PPP1R16B: variants seen among roughly 807,000 people sequenced by gnomAD.
The protein encoded by PPP1R16B is protein phosphatase 1 regulatory inhibitor subunit 16B.
Under a neutral mutation model 61.7 loss-of-function variants are expected in PPP1R16B, and 14 were observed. That is an observed-to-expected ratio of 0.23 (90% CI 0.15 to 0.35). PPP1R16B has a LOEUF of 0.35. PPP1R16B is among the 10% of genes least tolerant of loss of function. The pLI is 1.00. For synonymous variants in PPP1R16B, 266 were observed against 305.3 expected, an observed-to-expected ratio of 0.87 and a Z score of 1.34; for missense variants, 547 against 752.5, an observed-to-expected ratio of 0.73 and a Z score of 3.19.
intron 1 of PPP1R16B, among the ~76,000 whole-genome samples, chr20:38,820,414 C>T (rs995344270): frequency 5.9e-5 from 9 of 151,990 alleles, no homozygotes; most frequent in Admixed American, 1.3e-4. Flanking sequence ...CAAAATTAGC[C>T]GGGTGTGGTG....
chr20:38,838,602 G>A (rs1248735647), intron 2 of PPP1R16B: 1 of 152,300 alleles, frequency 6.6e-6, no homozygotes, highest in African/African-American at 2.4e-5. Context: ...CAAGTGATGC[G>A]GCAGCCCCAT....
intron 2 of PPP1R16B, among the ~76,000 whole-genome samples, chr20:38,852,133 G>T (rs1302607114): frequency 6.6e-6 from 1 of 152,230 alleles, no homozygotes; most frequent in African/African-American, 2.4e-5. Context: ...TATCGTTCAA[G>T]GGAGAGGACA....
intron 1 of PPP1R16B, among the ~76,000 whole-genome samples, chr20:38,831,290 A>G (rs916054648): frequency 6.6e-6 from 1 of 152,148 alleles, no homozygotes; most frequent in Non-Finnish European, 1.5e-5. Context: ...CTGTGTTCCC[A>G]TCACCCTCTG....
In PPP1R16B at chr20:38,862,143, G is replaced by A. The variant is rs150216884; in HGVS notation, c.250+25968G>A. 4.1e-4 allele frequency among the ~76,000 whole-genome samples: 63 copies of A among 152,330 alleles called. No homozygotes were observed. The East Asian group carries it at 0.01, about 24-fold the overall frequency. On this transcript the variant is annotated intron_variant, in intron 2 of 10. Transcript: ENST00000299824. ...CTGGCTTCTTGCCCTCTCTCTAGGG[G>A]CAGGGCATGCTGGGCTGTCTTCCTG...
intron 3 of PPP1R16B, among the ~76,000 whole-genome samples, chr20:38,894,303 G>A (rs2085317370): frequency 6.6e-6 from 1 of 152,106 alleles, no homozygotes. Context: ...GCCACCTGGG[G>A]CCGTGGGCTT....
chr20:38,824,397 T>C (rs955600320), intron 1 of PPP1R16B, among the ~76,000 whole-genome samples: 3 of 151,638 alleles, frequency 2.0e-5, no homozygotes, highest in African/African-American at 7.2e-5. Context: ...ATACTGTGGA[T>C]TTTCTGAAAT....
At chr20:38,842,931 G>A (rs909259993) in intron 2 of PPP1R16B, among the ~76,000 whole-genome samples, 16 of 152,152 alleles carry the variant, frequency 1.1e-4, no homozygotes, top group African/African-American at 3.6e-4. Flanking sequence ...CCCCTGAACA[G>A]CAACAACCAT....
intron 1 of PPP1R16B, among the ~76,000 whole-genome samples, chr20:38,818,367 G>A (rs2084752633): frequency 6.6e-6 from 1 of 152,112 alleles, no homozygotes. Flanking sequence ...TGGAAAATTG[G>A]GTATTTAGTG....
At chr20:38,836,256 AC>A in intron 2 of PPP1R16B, 81 bp downstream of exon 2, 2 of 1,529,570 alleles carry the variant, frequency 1.3e-6, no homozygotes, top group South Asian at 1.3e-5. Context: ...TGTGCAGTAG[AC>A]GTGTGGGCAA....
At chr20:38,909,538 A>G (rs1367488048) in intron 10 of PPP1R16B, among the ~76,000 whole-genome samples, 1 of 152,200 alleles carries the variant, frequency 6.6e-6, no homozygotes, top group Non-Finnish European at 1.5e-5. Context: ...GCTGGAGTGG[A>G]ATTGCTGAGG....
chr20:38,915,654 T>A (rs1324531369), intron 10 of PPP1R16B, among the ~76,000 whole-genome samples: 1 of 152,134 alleles, frequency 6.6e-6, no homozygotes, highest in Non-Finnish European at 1.5e-5. Context: ...CTGTCTAATT[T>A]TTGTGTTTTT....
At chr20:38,870,041 AG>A (rs1386256532) in intron 2 of PPP1R16B, among the ~76,000 whole-genome samples, 2 of 152,038 alleles carry the variant, frequency 1.3e-5, no homozygotes, top group Non-Finnish European at 2.9e-5. Flanking sequence ...CTCCTTCCTC[AG>A]CCTCCTGAGT....
chr20:38,873,452 TG>T (rs2085143843), intron 2 of PPP1R16B, among the ~76,000 whole-genome samples: 1 of 152,100 alleles, frequency 6.6e-6, no homozygotes, highest in South Asian at 2.1e-4. Flanking sequence ...AGGTGTTAAG[TG>T]AAAGTAACAA....
intron 2 of PPP1R16B, among the ~76,000 whole-genome samples, chr20:38,875,345 C>T (rs1456230834): frequency 6.6e-6 from 1 of 152,222 alleles, no homozygotes; most frequent in Non-Finnish European, 1.5e-5. Context: ...CCATTTCCTG[C>T]AGCAGAAATG....
chr20:38,908,281 G>A (rs1295462509), intron 10 of PPP1R16B, 88 bp downstream of exon 10: 1 of 1,501,798 alleles, frequency 6.7e-7, no homozygotes, highest in Non-Finnish European at 9.1e-7. Context: ...TCAACTGAGA[G>A]CCTTCAGAGG....
intron 10 of PPP1R16B, among the ~76,000 whole-genome samples, chr20:38,914,362 C>T (rs540850682): frequency 6.6e-6 from 1 of 152,192 alleles, no homozygotes; most frequent in Non-Finnish European, 1.5e-5. Flanking sequence ...TGCAGTCAGC[C>T]ATTCCCCAGA....
At chr20:38,812,145 G>A (rs1405788350) in intron 1 of PPP1R16B, among the ~76,000 whole-genome samples, 1 of 152,216 alleles carries the variant, frequency 6.6e-6, no homozygotes, top group Admixed American at 6.5e-5. Context: ...AAGACATTCA[G>A]ACCGAGCTCT....
In PPP1R16B at chr20:38,805,775, C is replaced by A. The variant is rs1355235504; in HGVS notation, c.-119C>A. On this transcript the variant is annotated 5_prime_UTR_variant, in exon 1 of 11. Coordinates refer to ENST00000299824, the MANE Select transcript of PPP1R16B (RefSeq NM_015568.4). ...AGCCGGGGTCGGGAGCCGCCCGGGG[C>A]AGGGCTCGGGAGAGCGGGTGAGTTC... is the stretch of plus-strand genomic sequence containing the variant. 3.9e-5 allele frequency: 6 copies of A among 152,300 alleles called. No individual in the cohort carries two copies. The highest frequency in any genetic ancestry group is 4.4e-5 in the Non-Finnish European group (3 of 68,124). The allele number at this position is 152,300 out of a possible 1,614,324, so 9.4% of individuals were successfully genotyped here.
At chr20:38,855,320 A>G (rs1007184496) in intron 2 of PPP1R16B, among the ~76,000 whole-genome samples, 1 of 151,986 alleles carries the variant, frequency 6.6e-6, no homozygotes, top group Non-Finnish European at 1.5e-5. Context: ...TGCTTTCTCT[A>G]AACTTTTGGA....
Sources: allele counts gnomAD v4.1 joint callset (sites outside exome capture counted in the v4.1 genomes callset), GRCh38; gene constraint gnomAD v4.1.1; transcripts MANE v1.5; gene names NCBI Gene and HGNC (gene_info 2026-07-23, HGNC 2026-07-21).